Variants in C1orf21 observed in about 807,000 individuals in gnomAD.
C1orf21 encodes the protein chromosome 1 open reading frame 21, also known as uncharacterized protein C1orf21.
In C1orf21, 3 loss-of-function variants were observed where a neutral mutation model predicts 18.7. The observed-to-expected ratio is 0.16, with a 90% CI of 0.07 to 0.42. The LOEUF is 0.42. Among genes scored for constraint, C1orf21 ranks in the 10% least tolerant of loss-of-function variants. The pLI is 0.99. For missense variants in C1orf21, 104 were observed against 143.6 expected (o/e 0.72, Z 1.41); for synonymous variants, 41 against 46.4 (o/e 0.88, Z 0.47).
intron 3 of C1orf21, among the ~76,000 whole-genome samples, chr1:184,573,424 C>T (rs1462579113): frequency 6.6e-6 from 1 of 152,148 alleles, no homozygotes. Flanking sequence ...ACATCATTCT[C>T]GAAGAGTTCT....
intron 2 of C1orf21, among the ~76,000 whole-genome samples, chr1:184,485,931 C>G (rs79430986): frequency 6.6e-6 from 1 of 152,098 alleles, no homozygotes; most frequent in African/African-American, 2.4e-5. Context: ...AAGTGTTTGA[C>G]GGATTTGTGA....
chr1:184,523,903 G>A (rs763265402), intron 3 of C1orf21, among the ~76,000 whole-genome samples: 1 of 152,060 alleles, frequency 6.6e-6, no homozygotes, highest in Non-Finnish European at 1.5e-5. Context: ...GGGTTATTGA[G>A]ACAAAAAGGT....
At chr1:184,474,187 T>C (rs191757774) in intron 1 of C1orf21, among the ~76,000 whole-genome samples, 98 of 152,320 alleles carry the variant, frequency 6.4e-4, no homozygotes, top group Non-Finnish European at 1.5e-4. Flanking sequence ...TAAATTTGAA[T>C]TACTGCTATA....
chr1:184,455,638 A>C (rs887410883), intron 1 of C1orf21, among the ~76,000 whole-genome samples: 1 of 152,166 alleles, frequency 6.6e-6, no homozygotes, highest in African/African-American at 2.4e-5. Flanking sequence ...ATATTAAGAT[A>C]TTTCAAATAA....
intron 3 of C1orf21, among the ~76,000 whole-genome samples, chr1:184,534,923 G>A (rs1312741416): frequency 6.6e-6 from 1 of 152,086 alleles, no homozygotes; most frequent in Non-Finnish European, 1.5e-5. Context: ...GAAAGTCCCT[G>A]AACTGGAGTA....
chr1:184,449,946 A>T (rs1041592160), intron 1 of C1orf21, among the ~76,000 whole-genome samples: 49 of 152,266 alleles, frequency 3.2e-4, no homozygotes, highest in African/African-American at 1.1e-3. Context: ...CTCGCATTGG[A>T]TGTTGTAAAT....
At chr1:184,563,056 G>T (rs1252436603) in intron 3 of C1orf21, among the ~76,000 whole-genome samples, 1 of 152,100 alleles carries the variant, frequency 6.6e-6, no homozygotes, top group African/African-American at 2.4e-5. Flanking sequence ...AAGTACTTAG[G>T]TCATTTAGCT....
intron 4 of C1orf21, among the ~76,000 whole-genome samples, chr1:184,596,482 T>C (rs1337355736): frequency 6.6e-6 from 1 of 151,886 alleles, no homozygotes; most frequent in Non-Finnish European, 1.5e-5. Flanking sequence ...ATCCTAAAAA[T>C]GCCGTTTTTT....
At chr1:184,433,779 GT>G (rs1013950955) in intron 1 of C1orf21, among the ~76,000 whole-genome samples, 11 of 152,250 alleles carry the variant, frequency 7.2e-5, no homozygotes, top group African/African-American at 2.6e-4. Flanking sequence ...GGACCAAATA[GT>G]TTTGGTCTCT....
intron 2 of C1orf21, among the ~76,000 whole-genome samples, chr1:184,488,194 T>C (rs1204548878): frequency 6.6e-6 from 1 of 152,230 alleles, no homozygotes; most frequent in Non-Finnish European, 1.5e-5. Flanking sequence ...GTTTCTGTAC[T>C]GTGTAAGATG....
chr1:184,419,210 TG>T (rs1656507681), intron 1 of C1orf21, among the ~76,000 whole-genome samples: 1 of 152,204 alleles, frequency 6.6e-6, no homozygotes, highest in Non-Finnish European at 1.5e-5. Context: ...TTTCCTCCTC[TG>T]TAACATTTGG....
intron 3 of C1orf21, among the ~76,000 whole-genome samples, chr1:184,555,151 A>G (rs1658860575): frequency 6.6e-6 from 1 of 152,358 alleles, no homozygotes; most frequent in African/African-American, 2.4e-5. Context: ...CTAGAACAAT[A>G]TCTAGCCTAT....
At chr1:184,473,938 A>G (rs952207792) in intron 1 of C1orf21, among the ~76,000 whole-genome samples, 2 of 152,236 alleles carry the variant, frequency 1.3e-5, no homozygotes, top group Non-Finnish European at 1.5e-5. Context: ...TACCAAACAC[A>G]TATCTGTCAC....
chr1:184,583,892 C>A (rs1025527022), intron 3 of C1orf21, among the ~76,000 whole-genome samples: 11 of 152,138 alleles, frequency 7.2e-5, no homozygotes, highest in African/African-American at 2.7e-4. Context: ...GTGTCAAATA[C>A]CATCAAAATA....
intron 3 of C1orf21, among the ~76,000 whole-genome samples, chr1:184,533,901 G>C (rs1461238547): frequency 6.6e-6 from 1 of 152,188 alleles, no homozygotes; most frequent in Non-Finnish European, 1.5e-5. Context: ...GCCATATCCA[G>C]ACTTGTACTT....
intron 3 of C1orf21, among the ~76,000 whole-genome samples, chr1:184,545,083 T>C (rs1658709608): frequency 6.6e-6 from 1 of 152,170 alleles, no homozygotes. Flanking sequence ...AGACCAACCC[T>C]GGTACAGGTA....
chr1:184,436,961 G>A (rs924977642), intron 1 of C1orf21, among the ~76,000 whole-genome samples: 1 of 152,082 alleles, frequency 6.6e-6, no homozygotes, highest in Non-Finnish European at 1.5e-5. Flanking sequence ...ACTTTTGAAG[G>A]TCCCTCTGAG....
At chr1:184,571,938 A>C (rs1353088245) in intron 3 of C1orf21, among the ~76,000 whole-genome samples, 1 of 152,180 alleles carries the variant, frequency 6.6e-6, no homozygotes, top group South Asian at 2.1e-4. Context: ...TGCTTACCTC[A>C]TATAGTTGTT....
intron 1 of C1orf21, among the ~76,000 whole-genome samples, chr1:184,433,501 A>G (rs950578447): frequency 6.6e-6 from 1 of 152,088 alleles, no homozygotes; most frequent in Admixed American, 6.6e-5. Flanking sequence ...ATAAACTCCA[A>G]TTTCTTAGTA....
Sources: allele counts gnomAD v4.1 joint callset (sites outside exome capture counted in the v4.1 genomes callset), GRCh38; gene constraint gnomAD v4.1.1; transcripts MANE v1.5; gene names NCBI Gene and HGNC (gene_info 2026-07-23, HGNC 2026-07-21).